GOLGB1: variants seen among roughly 807,000 people sequenced by gnomAD.
GOLGB1 encodes the protein golgin subfamily B member 1.
Under a neutral mutation model 336.9 loss-of-function variants are expected in GOLGB1, and 174 were observed. That is an observed-to-expected ratio of 0.52 (90% confidence interval 0.46 to 0.59). GOLGB1 has a LOEUF of 0.59. Among genes scored for constraint, GOLGB1 ranks in the 20% least tolerant of loss-of-function variants. The probability of loss-of-function intolerance (pLI) is 0.00; values close to 1 mark genes in which losing one functional copy is unlikely to be tolerated. For missense variants in GOLGB1, 3,331 were observed against 3,645.3 expected (o/e 0.91, Z 2.22); for synonymous variants, 1,208 against 1,289.2 (o/e 0.94, Z 1.35).
chr3:121,687,522 G>A (rs1941876811), intron 14 of GOLGB1, among the ~76,000 whole-genome samples: 1 of 152,146 alleles, frequency 6.6e-6, no homozygotes, highest in Non-Finnish European at 1.5e-5. Flanking sequence ...AAAAATACTT[G>A]AGGCACACTG....
chr3:121,695,234 A>G lies in GOLGB1; in HGVS notation c.5289T>C (p.Asp1763=), dbSNP rs1276008247. The G allele has an allele frequency of 6.2e-7, 1 of 1,613,580 alleles. No homozygotes were observed. The highest frequency in any genetic ancestry group is 1.7e-5 in the Admixed American group (1 of 60,008). The change falls in exon 13 of 22, where the codon GAT becomes GAC. Residue 1763 remains aspartate (D), a synonymous_variant. Coordinates refer to ENST00000614479, the MANE Select transcript of GOLGB1 (RefSeq NM_001366282.2). ...EKDSLSEEVQ[D]LKHQIEGNVS... The stretch of plus-strand genomic sequence containing the variant: ...CATTACCTTCTATCTGATGCTTTAA[A>G]TCTTGAACCTCTTCACTTAGAGAGT...
intron 14 of GOLGB1, among the ~76,000 whole-genome samples, chr3:121,682,436 T>A (rs1941187517): frequency 6.6e-6 from 1 of 152,236 alleles, no homozygotes; most frequent in Non-Finnish European, 1.5e-5. Context: ...AGTCTTGCTC[T>A]GTTGCCCAGG....
At position 121,695,153 on chromosome 3, in the gene GOLGB1, G is replaced by A. The variant is rs531438058; in HGVS notation, c.5370C>T (p.Val1790=). The A allele has an allele frequency of 3.8e-5, 62 of 1,613,732 alleles. No individual in the cohort carries two copies. In the South Asian group the frequency reaches 3.8e-4, roughly 10 times the overall value. The change falls in exon 13 of 22, where the codon GTC becomes GTT. Residue 1790 remains valine (V), a synonymous_variant. Transcript: ENST00000614479. ...ATEKHDNQTN[V]TEEGTQSIPG... ...GTATAGACTGTGTTCCCTCTTCAGT[G>A]ACATTCGTTTGGTTATCATGTTTCT...
chr3:121,721,650 G>C (rs1175473644), intron 6 of GOLGB1, among the ~76,000 whole-genome samples: 1 of 151,946 alleles, frequency 6.6e-6, no homozygotes, highest in East Asian at 1.9e-4. Flanking sequence ...AAATATGTGG[G>C]AGTGCGTGGC....
chr3:121,690,928 G>A lies in GOLGB1; in HGVS notation c.8436C>T (p.Asn2812=). 3 of 1,614,114 alleles carry A rather than the reference G, an allele frequency of 1.9e-6. No individual in the cohort carries two copies. Among genetic ancestry groups the A allele is most frequent in the Non-Finnish European group, 2.5e-6 (3 of 1,179,972 alleles). The change falls in exon 14 of 22, where the codon AAC becomes AAT. Residue 2812 remains asparagine (N), a synonymous_variant. Coordinates refer to ENST00000614479, the MANE Select transcript of GOLGB1 (RefSeq NM_001366282.2). ...ENSLSHLEKL[N]QQLLSKDEQL... is the part of the protein sequence containing the mutation. ...GCTCATCTTTGGATAGGAGCTGTTG[G>A]TTAAGTTTCTCAAGGTGAGACAAGC...
intron 10 of GOLGB1, among the ~76,000 whole-genome samples, chr3:121,714,232 G>T (rs1331825327): frequency 6.6e-6 from 1 of 152,138 alleles, no homozygotes; most frequent in Non-Finnish European, 1.5e-5. Context: ...GGAGATGACT[G>T]AATCTAGTTA....
At chr3:121,739,077 C>T (rs942959209) in intron 1 of GOLGB1, among the ~76,000 whole-genome samples, 1 of 152,020 alleles carries the variant, frequency 6.6e-6, no homozygotes, top group African/African-American at 2.4e-5. Context: ...GCCTGAGCAA[C>T]ATAGCAAGAT....
chr3:121,683,053 ATTTTTTTTTTTTTT>A (rs746649684), intron 14 of GOLGB1, among the ~76,000 whole-genome samples: 7 of 82,496 alleles, frequency 8.5e-5, no homozygotes, highest in African/African-American at 1.9e-4. Flanking sequence ...ATTTCTTTTA[ATTTTTTTTTTTTTT>A]TTTTTTTTTT....
At position 121,729,170 on chromosome 3, in the gene GOLGB1, T is replaced by C. The variant is rs1381923543; in HGVS notation, c.402+18A>G. 17 of 1,584,494 alleles carry C rather than the reference T, an allele frequency of 1.1e-5. No individual in the cohort carries two copies. Among genetic ancestry groups the C allele is most frequent in the Non-Finnish European group, 1.3e-5 (15 of 1,164,978 alleles). On this transcript the variant is annotated intron_variant, in intron 4 of 21. Coordinates refer to ENST00000614479, the MANE Select transcript of GOLGB1 (RefSeq NM_001366282.2). ...TTTTTTCAACTTAGGAAATATACAC[T>C]ACACCCAGTCACCATACCTTGGAAA...
intron 1 of GOLGB1, among the ~76,000 whole-genome samples, chr3:121,744,442 A>C (rs903248909): frequency 1.2e-4 from 2 of 16,776 alleles, no homozygotes; most frequent in African/African-American, 3.1e-4. Flanking sequence ...CTGTCTCTAC[A>C]AAAAAAAAAA....
At chr3:121,748,388 A>G (rs1947515794) in intron 1 of GOLGB1, among the ~76,000 whole-genome samples, 1 of 152,232 alleles carries the variant, frequency 6.6e-6, no homozygotes, top group Non-Finnish European at 1.5e-5. Context: ...TTTTACTGAT[A>G]GGGAGTGCAA....
chr3:121,748,722 T>A (rs1308861395), intron 1 of GOLGB1: 1 of 690,614 alleles, frequency 1.4e-6, no homozygotes, highest in African/African-American at 1.9e-5. Flanking sequence ...TGCACAGAAC[T>A]GTAAAAAGGT....
At chr3:121,673,246 T>C (rs1286424043) in intron 17 of GOLGB1, among the ~76,000 whole-genome samples, 1 of 152,142 alleles carries the variant, frequency 6.6e-6, no homozygotes, top group African/African-American at 2.4e-5. Context: ...TTTTTGTATT[T>C]TTAGTAGAGA....
At chr3:121,685,533 C>CTAAA (rs113841968) in intron 14 of GOLGB1, among the ~76,000 whole-genome samples, 19,253 of 145,432 alleles carry the variant, frequency 0.13, 1,383 homozygotes, top group African/African-American at 0.15. Context: ...GACTCTGTTT[C>CTAAA]TAAATAAATA....
At chr3:121,748,722 T>G (rs1308861395) in intron 1 of GOLGB1, 1 of 690,732 alleles carries the variant, frequency 1.4e-6, no homozygotes, top group South Asian at 6.5e-5. Context: ...TGCACAGAAC[T>G]GTAAAAAGGT....
chr3:121,707,048 C>G (rs1041380791), intron 10 of GOLGB1, among the ~76,000 whole-genome samples: 4 of 150,386 alleles, frequency 2.7e-5, no homozygotes, highest in African/African-American at 7.3e-5. Flanking sequence ...CCGTCTCTAC[C>G]AAAAATACAA....
chr3:121,687,886 A>C (rs1160639271), intron 14 of GOLGB1, among the ~76,000 whole-genome samples: 11 of 152,200 alleles, frequency 7.2e-5, no homozygotes, highest in Admixed American at 7.2e-4. Context: ...CGGTCTGAAA[A>C]GACAGACAAA....
chr3:121,669,405 C>A, intron 17 of GOLGB1, 50 bp from the exon 18 acceptor site: 1 of 1,474,768 alleles, frequency 6.8e-7, no homozygotes, highest in Non-Finnish European at 9.3e-7. Flanking sequence ...GTAAGCAGTG[C>A]TGAGGTGAAA....
Position 121,695,372 on chromosome 3 carries a change from C to T in GOLGB1, c.5151G>A (p.Glu1717=), listed in dbSNP as rs770409387. 3.1e-6 allele frequency: 5 copies of T among 1,614,010 alleles called. No individual in the cohort carries two copies. The Admixed American group carries it at 8.3e-5, about 27-fold the overall frequency. Residue 1717 remains glutamate, a synonymous_variant, in exon 13 of 22, where the codon GAG becomes GAA. Transcript: ENST00000614479. ...TGGAAGAAAGAAGTGTTTCCATACA[C>T]TCTTTAGCTGTATCTCCTGCAGGGT... The part of the protein sequence containing the change: ...EVHPAGDTAK[E]CMETLLSSNA...
Sources: allele counts gnomAD v4.1 joint callset (sites outside exome capture counted in the v4.1 genomes callset), GRCh38; gene constraint gnomAD v4.1.1; transcripts MANE v1.5; gene names NCBI Gene and HGNC (gene_info 2026-07-23, HGNC 2026-07-21).